Variants in TMEM135 observed in about 807,000 individuals in gnomAD.
TMEM135 encodes the protein peroxisomal membrane protein 52.
A neutral mutation model predicts 60.3 loss-of-function variants in TMEM135; 30 were observed. The observed-to-expected ratio is 0.50, with a 90% CI of 0.37 to 0.68. TMEM135 has a LOEUF of 0.68. TMEM135 is among the 30% of genes least tolerant of loss of function. The pLI is 0.00. For missense variants in TMEM135, 468 were observed against 548.8 expected (o/e 0.85, Z 1.47); for synonymous variants, 190 against 186.7 (o/e 1.02, Z -0.14).
At chr11:87,235,450 A>G (rs1156653860) in intron 5 of TMEM135, among the ~76,000 whole-genome samples, 2 of 151,996 alleles carry the variant, frequency 1.3e-5, no homozygotes, top group African/African-American at 2.4e-5. Context: ...TTCAGGCTGT[A>G]TGTATAATGC....
At chr11:87,163,058 T>C (rs1272290554) in intron 5 of TMEM135, among the ~76,000 whole-genome samples, 1 of 151,766 alleles carries the variant, frequency 6.6e-6, no homozygotes, top group African/African-American at 2.4e-5. Context: ...TTATTATACA[T>C]TAAGTTTTAG....
At chr11:87,308,385 T>C (rs1429958798) in intron 9 of TMEM135, among the ~76,000 whole-genome samples, 5 of 152,176 alleles carry the variant, frequency 3.3e-5, no homozygotes, top group African/African-American at 1.2e-4. Context: ...TACTAGGCAA[T>C]TTCAGTTAAG....
intron 4 of TMEM135, among the ~76,000 whole-genome samples, chr11:87,131,060 G>A (rs12269802): frequency 0.065 from 9,929 of 151,622 alleles, 350 homozygotes; most frequent in African/African-American, 0.084. Context: ...TGTGCTGATA[G>A]GCTTTATTTT....
At chr11:87,129,041 C>G (rs1937821677) in intron 4 of TMEM135, among the ~76,000 whole-genome samples, 1 of 147,646 alleles carries the variant, frequency 6.8e-6, no homozygotes, top group Non-Finnish European at 1.5e-5. Flanking sequence ...AGAGTTATAG[C>G]TTAACTCTAA....
chr11:87,217,007 A>G (rs912982020), intron 5 of TMEM135, among the ~76,000 whole-genome samples: 1 of 152,234 alleles, frequency 6.6e-6, no homozygotes, highest in African/African-American at 2.4e-5. Flanking sequence ...ATTTGGTCCA[A>G]CAATGAGGGA....
At chr11:87,241,559 A>T (rs1185683444) in intron 6 of TMEM135, among the ~76,000 whole-genome samples, 2 of 152,042 alleles carry the variant, frequency 1.3e-5, no homozygotes, top group Non-Finnish European at 2.9e-5. Flanking sequence ...ATTATTGTTG[A>T]CTGTAGTCAC....
chr11:87,169,282 G>T (rs1939161441), intron 5 of TMEM135, among the ~76,000 whole-genome samples: 1 of 147,022 alleles, frequency 6.8e-6, no homozygotes, highest in Non-Finnish European at 1.5e-5. Context: ...CTTTTAATTG[G>T]GGCATTTAGC....
chr11:87,218,893 C>G (rs1940559565), intron 5 of TMEM135, among the ~76,000 whole-genome samples: 1 of 152,100 alleles, frequency 6.6e-6, no homozygotes, highest in Non-Finnish European at 1.5e-5. Flanking sequence ...ACCCAGGAGG[C>G]AGAGGTTGCA....
At chr11:87,218,116 A>G (rs1184099853) in intron 5 of TMEM135, among the ~76,000 whole-genome samples, 1 of 152,076 alleles carries the variant, frequency 6.6e-6, no homozygotes, top group Non-Finnish European at 1.5e-5. Context: ...GGTGCTGTCT[A>G]GGTAAAGGCC....
At chr11:87,317,861 G>A (rs1393315923) in intron 12 of TMEM135, among the ~76,000 whole-genome samples, 1 of 152,106 alleles carries the variant, frequency 6.6e-6, no homozygotes, top group Non-Finnish European at 1.5e-5. Flanking sequence ...GCACTGTACA[G>A]AAAGCATTGA....
chr11:87,143,924 A>G (rs1358094656), intron 4 of TMEM135, among the ~76,000 whole-genome samples: 2 of 152,324 alleles, frequency 1.3e-5, no homozygotes, highest in Admixed American at 6.5e-5. Flanking sequence ...TACATTATAC[A>G]GTAGCAGTCT....
chr11:87,246,925 A>G (rs760569897), intron 6 of TMEM135, among the ~76,000 whole-genome samples: 2 of 134,236 alleles, frequency 1.5e-5, no homozygotes, highest in African/African-American at 2.8e-5. Flanking sequence ...GAGGAGCGGC[A>G]CTCTGCTTTT....
intron 3 of TMEM135, among the ~76,000 whole-genome samples, chr11:87,082,689 C>T (rs532448446): frequency 6.6e-6 from 1 of 152,120 alleles, no homozygotes; most frequent in Non-Finnish European, 1.5e-5. Flanking sequence ...TAAGATTGAA[C>T]GTTTAGAAGC....
At chr11:87,178,760 CT>C (rs1053132413) in intron 5 of TMEM135, among the ~76,000 whole-genome samples, 14 of 151,738 alleles carry the variant, frequency 9.2e-5, no homozygotes, top group South Asian at 8.4e-4. Flanking sequence ...CATATCAGTA[CT>C]TTTTTTTTCC....
chr11:87,215,402 G>C (rs1940479655), intron 5 of TMEM135, among the ~76,000 whole-genome samples: 1 of 152,178 alleles, frequency 6.6e-6, no homozygotes, highest in East Asian at 1.9e-4. Context: ...TCTTCTGCTG[G>C]TATCTCTTGG....
chr11:87,139,902 T>G (rs1938215970), intron 4 of TMEM135, among the ~76,000 whole-genome samples: 2 of 152,216 alleles, frequency 1.3e-5, no homozygotes, highest in South Asian at 4.1e-4. Context: ...ATATGTAGAT[T>G]TTTTTGTTCA....
Position 87,318,176 on chromosome 11 carries a change from T to C in TMEM135, c.1117T>C (p.Tyr373His). Residue 373 changes from tyrosine (Y) to histidine (H), a missense_variant, in exon 13 of 15, where the codon TAT becomes CAT. Physicochemically the swap from Tyr to His is moderately conservative, Grantham distance 83. Coordinates refer to ENST00000305494, the MANE Select transcript of TMEM135 (RefSeq NM_022918.4). ...FKGIEAGKVP[Y>H]FPHADTIIYS... Reference sequence around the variant, plus strand: ...AGGCATTGAAGCAGGGAAGGTTCCCTATTTTCCTCATGCAGATACTATCAT... The same window carrying C: ...AGGCATTGAAGCAGGGAAGGTTCCCCATTTTCCTCATGCAGATACTATCAT... 3.1e-6 allele frequency: 5 copies of C among 1,612,998 alleles called. No homozygotes were observed. Among genetic ancestry groups the C allele is most frequent in the Non-Finnish European group, 4.2e-6 (5 of 1,179,750 alleles).
chr11:87,263,760 T>G (rs1256331252), intron 6 of TMEM135, among the ~76,000 whole-genome samples: 1 of 151,974 alleles, frequency 6.6e-6, no homozygotes, highest in Non-Finnish European at 1.5e-5. Context: ...ACGTGAAAAA[T>G]TTTTGTAGCT....
intron 6 of TMEM135, among the ~76,000 whole-genome samples, chr11:87,275,748 C>T (rs1050460857): frequency 2.6e-5 from 4 of 152,136 alleles, no homozygotes; most frequent in African/African-American, 9.7e-5. Context: ...GCAAACTCCT[C>T]ATCCTGGGTT....
Sources: allele counts gnomAD v4.1 joint callset (sites outside exome capture counted in the v4.1 genomes callset), GRCh38; gene constraint gnomAD v4.1.1; transcripts MANE v1.5; gene names NCBI Gene and HGNC (gene_info 2026-07-23, HGNC 2026-07-21).